Variants in ELAPOR2 observed in about 807,000 individuals in gnomAD.
The protein encoded by ELAPOR2 is endosome-lysosome associated apoptosis and autophagy regulator family member 2, also known as endosome/lysosome-associated apoptosis and autophagy regulator family member 2.
In ELAPOR2, 89 loss-of-function variants were observed where a neutral mutation model predicts 120.7. The observed-to-expected ratio is 0.74, with a 90% CI of 0.62 to 0.88. ELAPOR2 has a LOEUF of 0.88. Ranked by LOEUF, ELAPOR2 falls within the 40% of genes least tolerant of loss-of-function variation. The pLI is 0.00. For synonymous variants in ELAPOR2, 444 were observed against 444.9 expected (o/e 1.00, Z 0.03); for missense variants, 1,134 against 1,251.6 (o/e 0.91, Z 1.42).
chr7:86,954,393 CTCA>C (rs1562941401), intron 2 of ELAPOR2, among the ~76,000 whole-genome samples: 1 of 152,108 alleles, frequency 6.6e-6, no homozygotes, highest in Non-Finnish European at 1.5e-5. Flanking sequence ...CTCCAGAGAC[CTCA>C]TGTTTTGAAA....
chr7:87,046,745 T>C (rs1412943163), intron 1 of ELAPOR2, among the ~76,000 whole-genome samples: 1 of 152,220 alleles, frequency 6.6e-6, no homozygotes, highest in East Asian at 1.9e-4. Flanking sequence ...TGCTTCCCCT[T>C]CACCTTCTGC....
At chr7:87,010,238 T>C (rs1793611935) in intron 1 of ELAPOR2, among the ~76,000 whole-genome samples, 1 of 152,220 alleles carries the variant, frequency 6.6e-6, no homozygotes, top group South Asian at 2.1e-4. Context: ...ACCAATAGTT[T>C]TGTCAGCTTT....
chr7:86,882,639 A>G (rs562065533), intron 21 of ELAPOR2, among the ~76,000 whole-genome samples: 1 of 152,224 alleles, frequency 6.6e-6, no homozygotes, highest in African/African-American at 2.4e-5. Context: ...TCTATATCTC[A>G]TTCATTGTTT....
At chr7:87,043,013 G>A (rs1794834545) in intron 1 of ELAPOR2, among the ~76,000 whole-genome samples, 1 of 152,196 alleles carries the variant, frequency 6.6e-6, no homozygotes, top group Non-Finnish European at 1.5e-5. Flanking sequence ...AAATCTAGAA[G>A]AAATGGATAA....
At chr7:86,901,652 G>A (rs1034007487) in intron 18 of ELAPOR2, among the ~76,000 whole-genome samples, 1 of 152,214 alleles carries the variant, frequency 6.6e-6, no homozygotes, top group African/African-American at 2.4e-5. Flanking sequence ...TGAAGGGAAA[G>A]GCCACAGTTT....
In ELAPOR2 at chr7:86,909,883, A is replaced by C; in HGVS notation, c.2288T>G (p.Ile763Ser). The change falls in exon 16 of 22, where the codon ATT (isoleucine) becomes AGT (serine). Residue 763 changes from isoleucine (I) to serine (S), a missense_variant. Around this residue, in one of 3 missense-constraint regions of ELAPOR2, gnomAD observed 831 missense variants for 867.6 expected, o/e 0.96. Coordinates refer to ENST00000450689, the MANE Select transcript of ELAPOR2 (RefSeq NM_001142749.3). ...TCGGAAACCCTTACTTTCAGAAGGA[A>C]TAATTGTTGACTGGCATACAAATGC... ...VGAFVCQSTIIPSESKGFRAA... is the reference protein window; with the variant it reads ...VGAFVCQSTISPSESKGFRAA... 1.9e-6 allele frequency: 3 copies of C among 1,613,494 alleles called. No individual in the cohort carries two copies. Among genetic ancestry groups the C allele is most frequent in the Non-Finnish European group, 2.5e-6 (3 of 1,179,596 alleles).
chr7:86,921,545 ACCTTGATTTC>A (rs1789830612), intron 10 of ELAPOR2, among the ~76,000 whole-genome samples: 1 of 152,014 alleles, frequency 6.6e-6, no homozygotes, highest in Admixed American at 6.6e-5. Flanking sequence ...CCCTGCCCAC[ACCTTGATTTC>A]AGACTTCTGG....
intron 21 of ELAPOR2, among the ~76,000 whole-genome samples, chr7:86,883,311 T>C (rs187802144): frequency 1.2e-4 from 18 of 152,278 alleles, no homozygotes; most frequent in Admixed American, 2.0e-4. Flanking sequence ...GTATGGCCTT[T>C]AGAACATAAA....
intron 10 of ELAPOR2, among the ~76,000 whole-genome samples, chr7:86,925,264 A>G (rs1169751827): frequency 6.6e-6 from 1 of 151,984 alleles, no homozygotes; most frequent in Non-Finnish European, 1.5e-5. Flanking sequence ...TCTGGCATTT[A>G]TACCCATAAA....
intron 16 of ELAPOR2, among the ~76,000 whole-genome samples, chr7:86,909,153 C>G (rs1789175081): frequency 6.6e-6 from 1 of 151,962 alleles, no homozygotes; most frequent in Admixed American, 6.6e-5. Context: ...GACCTTGGTG[C>G]TGAAAGTCAA....
chr7:87,049,637 TG>T (rs1340544328), intron 1 of ELAPOR2, among the ~76,000 whole-genome samples: 1 of 152,092 alleles, frequency 6.6e-6, no homozygotes, highest in Non-Finnish European at 1.5e-5. Context: ...AGTAGAAACC[TG>T]AAGTGCATGA....
chr7:87,009,106 C>T (rs371262217), intron 1 of ELAPOR2, among the ~76,000 whole-genome samples: 56 of 152,116 alleles, frequency 3.7e-4, no homozygotes, highest in African/African-American at 8.0e-4. Context: ...AACAAAACAA[C>T]GACAACAAAA....
chr7:87,043,907 C>T (rs546372246), intron 1 of ELAPOR2, among the ~76,000 whole-genome samples: 2,224 of 151,992 alleles, frequency 0.015, 30 homozygotes, highest in Non-Finnish European at 0.02. Flanking sequence ...GCAACTTCAG[C>T]GAAGTCTCAG....
At chr7:87,038,066 G>A (rs1794645713) in intron 1 of ELAPOR2, among the ~76,000 whole-genome samples, 1 of 152,010 alleles carries the variant, frequency 6.6e-6, no homozygotes, top group Non-Finnish European at 1.5e-5. Context: ...CATATGAATG[G>A]CAACTGAAAA....
chr7:86,888,420 A>AT (rs1014224079), intron 21 of ELAPOR2, among the ~76,000 whole-genome samples: 4 of 152,146 alleles, frequency 2.6e-5, no homozygotes, highest in Non-Finnish European at 5.9e-5. Context: ...GAATCATATG[A>AT]TTTTTTAGGG....
rs1799306395 is a variant in ELAPOR2 at position 86,879,638 on chromosome 7, T to C, written c.*833A>G. 1 of 152,188 alleles carries C rather than the reference T, an allele frequency of 6.6e-6. No homozygotes were observed. Among genetic ancestry groups the C allele is most frequent in the South Asian group, 2.1e-4 (1 of 4,832 alleles). 9.4% of individuals were successfully genotyped at this position (152,188 alleles called of 1,614,324 possible). ...CTCTTCTTCATGATTTTGCCAGTGA[T>C]TTGATTGACAAGCTTTCCTATTTAC... On this transcript the variant is annotated 3_prime_UTR_variant, in exon 22 of 22. Coordinates refer to ENST00000450689, the MANE Select transcript of ELAPOR2 (RefSeq NM_001142749.3).
At chr7:86,916,987 G>A (rs975958113) in intron 12 of ELAPOR2, among the ~76,000 whole-genome samples, 6 of 125,856 alleles carry the variant, frequency 4.8e-5, no homozygotes, top group African/African-American at 1.6e-4. Context: ...TTTTTTTTGG[G>A]TAGAGATGGG....
intron 2 of ELAPOR2, among the ~76,000 whole-genome samples, chr7:86,957,340 T>G (rs1791516949): frequency 6.6e-6 from 1 of 152,226 alleles, no homozygotes; most frequent in Non-Finnish European, 1.5e-5. Context: ...CCTTTGTGTT[T>G]CACCTACAAA....
chr7:87,054,414 T>C (rs1795202950), intron 1 of ELAPOR2, among the ~76,000 whole-genome samples: 1 of 152,184 alleles, frequency 6.6e-6, no homozygotes, highest in Non-Finnish European at 1.5e-5. Flanking sequence ...ACATGAGAAA[T>C]GATTCTAAGC....
Sources: allele counts gnomAD v4.1 joint callset (sites outside exome capture counted in the v4.1 genomes callset), GRCh38; gene constraint gnomAD v4.1.1; regional missense constraint gnomAD v4.1.1; transcripts MANE v1.5; gene names NCBI Gene and HGNC (gene_info 2026-07-23, HGNC 2026-07-21).